The following TTLL7 variants were observed in gnomAD, a reference collection of about 807,000 sequenced individuals.
The protein encoded by TTLL7 is tubulin polyglutamylase TTLL7.
In TTLL7, 53 loss-of-function variants were observed where a neutral mutation model predicts 120.2. That is an observed-to-expected ratio of 0.44 (90% CI 0.35 to 0.55). TTLL7 has a LOEUF of 0.55. TTLL7 is among the 20% of genes least tolerant of loss of function. TTLL7 has a pLI of 0.00. For missense variants in TTLL7, 803 were observed against 1,054.7 expected (o/e 0.76, Z 3.31); for synonymous variants, 353 against 351.7 (o/e 1.00, Z -0.04).
At chr1:83,892,339 T>TATATATACGAATATATATGA (rs1655601104) in intron 18 of TTLL7, among the ~76,000 whole-genome samples, 6 of 124,856 alleles carry the variant, frequency 4.8e-5, no homozygotes, top group African/African-American at 1.4e-4. Flanking sequence ...TATATATGAA[T>TATATATACGAATATATATGA]ATATATACGA....
intron 7 of TTLL7, among the ~76,000 whole-genome samples, chr1:83,941,042 C>T (rs1230458986): frequency 6.6e-6 from 1 of 152,160 alleles, no homozygotes; most frequent in Non-Finnish European, 1.5e-5. Context: ...TTTCTCCAGA[C>T]ATGCCATACT....
intron 1 of TTLL7, among the ~76,000 whole-genome samples, chr1:83,982,133 C>T (rs1247987318): frequency 2.6e-5 from 4 of 152,082 alleles, no homozygotes; most frequent in African/African-American, 9.7e-5. Flanking sequence ...ATAACAGAAA[C>T]AGCAGCAAAA....
At chr1:83,955,099 A>C (rs1366397244) in intron 1 of TTLL7, among the ~76,000 whole-genome samples, 1 of 152,174 alleles carries the variant, frequency 6.6e-6, no homozygotes, top group East Asian at 1.9e-4. Context: ...TTGAGCTTCT[A>C]CCACACTTAA....
chr1:83,911,088 A>C (rs1314848031), intron 15 of TTLL7, 77 bp downstream of exon 15: 1 of 1,261,708 alleles, frequency 7.9e-7, no homozygotes, highest in Non-Finnish European at 1.1e-6. Context: ...ATTTGGCCCA[A>C]GGACCTTTTA....
At chr1:83,961,806 AAT>A (rs1331500128) in intron 1 of TTLL7, among the ~76,000 whole-genome samples, 1 of 152,134 alleles carries the variant, frequency 6.6e-6, no homozygotes, top group Admixed American at 6.5e-5. Context: ...CCCTATGAAT[AAT>A]ATGTGACGTA....
Position 83,870,070 on chromosome 1 carries a change from T to G in TTLL7, c.2556A>C (p.Pro852=), listed in dbSNP as rs143435805. The G allele has an allele frequency of 1.3e-6, 2 of 1,556,812 alleles. No homozygotes were observed. The highest frequency in any genetic ancestry group is 2.8e-5 in the African/African-American group (2 of 71,432). ...PDWGNSRYLL[P]GSTQFFLRTP... is the part of the protein sequence containing the mutation. ...TTCTCAAGAAGAATTGGGTGCTCCC[T>G]GGTAGTAAATACCTAAAAATGATGG... The change falls in exon 21 of 21, where the codon CCA becomes CCC. Residue 852 remains proline, a synonymous_variant. Coordinates refer to ENST00000260505, the MANE Select transcript of TTLL7 (RefSeq NM_024686.6).
chr1:83,876,645 G>A lies in TTLL7; in HGVS notation c.2543+6318C>T, dbSNP rs544438473. Among the ~76,000 whole-genome samples the A allele has an allele frequency of 7.2e-5, 11 of 151,732 alleles. No homozygotes were observed. The East Asian group carries it at 7.7e-4, about 11-fold the overall frequency. ...CATAAAGGTCATATACATTTCTTGCGACATTTATTCCTAAGTATTAGATAT... is the reference window on the plus strand; with the variant it reads ...CATAAAGGTCATATACATTTCTTGCAACATTTATTCCTAAGTATTAGATAT... On this transcript the variant is annotated intron_variant, in intron 20 of 20. Transcript: ENST00000260505.
intron 1 of TTLL7, among the ~76,000 whole-genome samples, chr1:83,969,623 T>C (rs1429801280): frequency 6.6e-6 from 1 of 152,026 alleles, no homozygotes; most frequent in Non-Finnish European, 1.5e-5. Context: ...TTTTGATTTG[T>C]TAATTCCACT....
chr1:83,978,105 A>G (rs1452764790), intron 1 of TTLL7, among the ~76,000 whole-genome samples: 2 of 152,186 alleles, frequency 1.3e-5, no homozygotes, highest in Non-Finnish European at 2.9e-5. Context: ...TAGGTTTTAT[A>G]TATCATCTAT....
chr1:83,949,285 C>T, intron 4 of TTLL7: 1 of 151,706 alleles, frequency 6.6e-6, no homozygotes, highest in Non-Finnish European at 1.5e-5. Context: ...TTTAAAGCAC[C>T]ATCTTAGGAA....
Position 83,869,851 on chromosome 1 carries a change from G to T in TTLL7, c.*111C>A. ...TGCATATATTTTCACACATATATATGTCTTATATACATAAAACAGCACTTA... is the reference window on the plus strand; with the variant it reads ...TGCATATATTTTCACACATATATATTTCTTATATACATAAAACAGCACTTA... On this transcript the variant is annotated 3_prime_UTR_variant, in exon 21 of 21. Coordinates refer to ENST00000260505, the MANE Select transcript of TTLL7 (RefSeq NM_024686.6). 1.7e-6 allele frequency: 2 copies of T among 1,201,298 alleles called. No individual in the cohort carries two copies. The highest frequency in any genetic ancestry group is 2.3e-6 in the Non-Finnish European group (2 of 859,758). 74.4% of individuals were successfully genotyped at this position (1,201,298 alleles called of 1,614,324 possible).
At chr1:83,924,637 A>G (rs1658962514) in intron 10 of TTLL7, among the ~76,000 whole-genome samples, 1 of 152,148 alleles carries the variant, frequency 6.6e-6, no homozygotes, top group African/African-American at 2.4e-5. Flanking sequence ...ACTTCCAGAG[A>G]TGGATGGTGG....
chr1:83,898,104 G>T (rs1656406576), intron 18 of TTLL7, among the ~76,000 whole-genome samples: 1 of 151,882 alleles, frequency 6.6e-6, no homozygotes, highest in African/African-American at 2.4e-5. Context: ...GTTTCTTTTA[G>T]TTTCTTGGAT....
chr1:83,893,746 G>C (rs1655985151), intron 18 of TTLL7, among the ~76,000 whole-genome samples: 2 of 152,216 alleles, frequency 1.3e-5, no homozygotes, highest in African/African-American at 4.8e-5. Context: ...TTCTCACAGG[G>C]AACTGTGTGA....
At position 83,998,945 on chromosome 1, in the gene TTLL7, C is replaced by A; in HGVS notation, c.-191G>T. Reference sequence around the variant, plus strand: ...CAGGTACTCACCCGGGTGAGGAAAGCCCAGCCCGGGTCCTCGCGTCCCCGC... The same window carrying A: ...CAGGTACTCACCCGGGTGAGGAAAGACCAGCCCGGGTCCTCGCGTCCCCGC... On this transcript the variant is annotated 5_prime_UTR_variant, in exon 1 of 21. Transcript: ENST00000260505. 2.3e-6 allele frequency: 1 copy of A among 425,550 alleles called. No individual in the cohort carries two copies. Among genetic ancestry groups the A allele is most frequent in the Non-Finnish European group, 4.7e-6 (1 of 213,096 alleles). The allele number at this position is 425,550 out of a possible 1,614,324, so 26.4% of individuals were successfully genotyped here. A position where few individuals can be genotyped will look rare whatever the true frequency, so the allele number is the denominator to read the frequency against.
chr1:83,960,876 G>C lies in TTLL7; in HGVS notation c.-176-8489C>G, dbSNP rs185560660. Among the ~76,000 whole-genome samples, 418 of 152,142 alleles carry C rather than the reference G, an allele frequency of 2.7e-3. 1 individual carries two copies. The highest frequency in any genetic ancestry group is 0.01 in the Middle Eastern group (3 of 294). On this transcript the variant is annotated intron_variant, in intron 1 of 20. Transcript: ENST00000260505. ...ACTCATTGTGTGTACAAATTGAAAG[G>C]GTATTTAGAGAAGCTACTTACTCCT...
chr1:83,866,048 A>G lies in TTLL7; in HGVS notation c.*3914T>C, dbSNP rs921294697. On this transcript the variant is annotated 3_prime_UTR_variant, in exon 21 of 21. Transcript: ENST00000260505. ...AATTTTCAAAAAATCATCAGGTCACAAGAACACAATTAATTGTACAGTTAT... is the reference window on the plus strand; with the variant it reads ...AATTTTCAAAAAATCATCAGGTCACGAGAACACAATTAATTGTACAGTTAT... 5.9e-5 allele frequency: 9 copies of G among 151,958 alleles called. No individual in the cohort carries two copies. Among genetic ancestry groups the G allele is most frequent in the Admixed American group, 3.9e-4 (6 of 15,260 alleles). The allele number at this position is 151,958 out of a possible 1,614,324, so 9.4% of individuals were successfully genotyped here. A position where few individuals can be genotyped will look rare whatever the true frequency, so the allele number is the denominator to read the frequency against.
chr1:83,938,505 A>G (rs1184422925), intron 7 of TTLL7, among the ~76,000 whole-genome samples: 2 of 152,158 alleles, frequency 1.3e-5, no homozygotes, highest in Non-Finnish European at 2.9e-5. Flanking sequence ...AGGACTACCA[A>G]ACACAACCTC....
rs933960496 is a variant in TTLL7 at position 83,866,413 on chromosome 1, T to C, written c.*3549A>G. ...TACAAAATTCCATACTCATATATTTTACAAATTAAAAAGACAGTTAAAATG... is the reference window on the plus strand; with the variant it reads ...TACAAAATTCCATACTCATATATTTCACAAATTAAAAAGACAGTTAAAATG... On this transcript the variant is annotated 3_prime_UTR_variant, in exon 21 of 21. Transcript: ENST00000260505. 1.3e-5 allele frequency: 2 copies of C among 151,904 alleles called. No homozygotes were observed. The highest frequency in any genetic ancestry group is 2.9e-5 in the Non-Finnish European group (2 of 67,806). 9.4% of individuals were successfully genotyped at this position (151,904 alleles called of 1,614,324 possible).
Sources: allele counts gnomAD v4.1 joint callset (sites outside exome capture counted in the v4.1 genomes callset), GRCh38; gene constraint gnomAD v4.1.1; transcripts MANE v1.5; gene names NCBI Gene and HGNC (gene_info 2026-07-23, HGNC 2026-07-21).